Variants in SYNE2 observed in about 807,000 individuals in gnomAD.
SYNE2 encodes spectrin repeat containing nuclear envelope protein 2, also known as nesprin-2.
A neutral mutation model predicts 856.3 loss-of-function variants in SYNE2; 431 were observed. The ratio of observed to expected loss-of-function variants is 0.50; its 90% CI spans 0.47 to 0.55. The LOEUF (loss-of-function observed/expected upper bound fraction) is 0.55, where lower values mean the gene tolerates loss of function less well. SYNE2 is among the 20% of genes least tolerant of loss of function. The pLI, the probability that SYNE2 is intolerant of heterozygous loss-of-function variation, is 0.00. For missense variants in SYNE2, 8,129 were observed against 8,023.2 expected (o/e 1.01, Z -0.50); for synonymous variants, 2,923 against 2,872.3 (o/e 1.02, Z -0.56).
upstream of SYNE2, among the ~76,000 whole-genome samples, chr14:63,851,986 G>A (rs1372504053): frequency 6.9e-4 from 25 of 36,150 alleles, 1 homozygote; most frequent in East Asian, 2.2e-3. Flanking sequence ...GGGGGGGGGG[G>A]GGGGGGGAAT....
chr14:64,031,490 C>T, intron 45 of SYNE2, 133 bp downstream of exon 45: 1 of 809,980 alleles, frequency 1.2e-6, no homozygotes, highest in East Asian at 2.7e-5. Context: ...ATTTATGAAG[C>T]CTACTTGTAA....
chr14:64,141,447 C>T lies in SYNE2; in HGVS notation c.15083C>T (p.Ala5028Val). The stretch of plus-strand genomic sequence containing the variant: ...GAAACTGATACAGCTACACTGAGAG[C>T]TTCTTTAGCACAGTTTGAACAAAAA... ...LKETDTATLR[A>V]SLAQFEQKWT... Residue 5028 changes from alanine (A) to valine (V), a missense_variant, in exon 81 of 116, where the codon GCT becomes GTT. Physicochemically the swap from Ala to Val is moderately conservative, Grantham distance 64 (BLOSUM62 0). Around this residue, in one of 3 missense-constraint regions of SYNE2, gnomAD observed 5,410 missense variants for 5,284.8 expected, o/e 1.02. Coordinates refer to ENST00000555002, the MANE Select transcript of SYNE2 (RefSeq NM_182914.3). 1 of 1,614,102 alleles carries T rather than the reference C, an allele frequency of 6.2e-7. No individual in the cohort carries two copies. The highest frequency in any genetic ancestry group is 1.7e-5 in the Admixed American group (1 of 60,016).
chr14:63,854,007 C>G (rs1212687338), intron 1 of SYNE2, among the ~76,000 whole-genome samples: 4 of 152,046 alleles, frequency 2.6e-5, no homozygotes, highest in Non-Finnish European at 4.4e-5. Context: ...GTAGCATTCG[C>G]GTTTGTGGAA....
chr14:64,049,944 C>T, intron 47 of SYNE2, 68 bp downstream of exon 47: 2 of 1,568,366 alleles, frequency 1.3e-6, no homozygotes, highest in South Asian at 1.1e-5. Flanking sequence ...CTTGGACAGG[C>T]CCAGGGTTTT....
At chr14:63,974,495 A>G (rs769665344) in intron 11 of SYNE2, among the ~76,000 whole-genome samples, 7 of 152,246 alleles carry the variant, frequency 4.6e-5, no homozygotes, top group Non-Finnish European at 7.4e-5. Flanking sequence ...CTGGGTATCA[A>G]ACTTAAACAT....
intron 1 of SYNE2, among the ~76,000 whole-genome samples, chr14:63,806,963 C>T (rs1888385910): frequency 6.6e-6 from 1 of 151,698 alleles, no homozygotes. Flanking sequence ...GATCCTCTTG[C>T]CTTGGCCCCT....
At chr14:63,994,008 A>G in intron 22 of SYNE2, 39 bp downstream of exon 22, 6 of 1,607,274 alleles carry the variant, frequency 3.7e-6, no homozygotes, top group Non-Finnish European at 5.1e-6. Flanking sequence ...ACGTTTTTAT[A>G]TGTCTGATCC....
chr14:63,772,456 G>T (rs1368471697), intron 1 of SYNE2, among the ~76,000 whole-genome samples: 1 of 151,902 alleles, frequency 6.6e-6, no homozygotes, highest in Admixed American at 6.6e-5. Context: ...AGAAATCTAA[G>T]CTATAGGTCA....
At chr14:64,020,162 C>T in intron 35 of SYNE2, 69 bp downstream of exon 35, 1 of 1,105,176 alleles carries the variant, frequency 9.0e-7, no homozygotes, top group East Asian at 2.4e-5. Flanking sequence ...CACTGCACTC[C>T]AGCCTGGGCG....
intron 64 of SYNE2, among the ~76,000 whole-genome samples, chr14:64,106,198 TG>T (rs936105832): frequency 7.3e-6 from 1 of 136,452 alleles, no homozygotes; most frequent in African/African-American, 2.6e-5. Context: ...ACTTAGCCAG[TG>T]GTTTAAATTA....
At chr14:64,087,486 A>G (rs2153621767) in intron 57 of SYNE2, 185 bp from the exon 58 acceptor site, 1 of 765,758 alleles carries the variant, frequency 1.3e-6, no homozygotes, top group Non-Finnish European at 2.4e-6. Flanking sequence ...ACAGTTATAC[A>G]GGTAGATACT....
At chr14:64,210,955 C>T (rs2098637714) in intron 103 of SYNE2, among the ~76,000 whole-genome samples, 1 of 151,940 alleles carries the variant, frequency 6.6e-6, no homozygotes, top group African/African-American at 2.4e-5. Context: ...CTCTCCTTTC[C>T]TGTCTCTCCG....
At chr14:64,154,384 C>A (rs1383413236) in intron 85 of SYNE2, among the ~76,000 whole-genome samples, 3 of 150,264 alleles carry the variant, frequency 2.0e-5, no homozygotes, top group African/African-American at 7.5e-5. Flanking sequence ...TAAAGGCAAA[C>A]CACAAATTGT....
intron 1 of SYNE2, among the ~76,000 whole-genome samples, chr14:63,854,110 A>G (rs892047885): frequency 9.9e-5 from 15 of 151,284 alleles, no homozygotes; most frequent in African/African-American, 3.6e-4. Context: ...AAGCACCAGC[A>G]AGTCGGAGCC....
chr14:64,002,638 C>A, intron 29 of SYNE2, 82 bp from the exon 30 acceptor site: 1 of 1,477,358 alleles, frequency 6.8e-7, no homozygotes, highest in South Asian at 1.3e-5. Context: ...CAAATCTAGT[C>A]ATGCAGTTTG....
intron 2 of SYNE2, among the ~76,000 whole-genome samples, chr14:63,914,898 C>T (rs1260097054): frequency 2.0e-5 from 3 of 152,152 alleles, no homozygotes; most frequent in Non-Finnish European, 4.4e-5. Context: ...GTGTCTTAGC[C>T]ACCTGAGTAG....
intron 50 of SYNE2, among the ~76,000 whole-genome samples, chr14:64,063,812 C>G (rs2097335925): frequency 6.6e-6 from 1 of 152,110 alleles, no homozygotes; most frequent in Admixed American, 6.5e-5. Flanking sequence ...TTAAAAATAA[C>G]AAAATGTACA....
Position 64,116,679 on chromosome 14 carries a change from G to C in SYNE2, c.12841-2748G>C, listed in dbSNP as rs557445291. The stretch of plus-strand genomic sequence containing the variant: ...GATCCACCTGCCTTGGCCTCCCAAA[G>C]TGCCGAGATTACAGGCATGAGCCAC... On this transcript the variant is annotated intron_variant, in intron 66 of 115. Transcript: ENST00000555002. 1.5e-3 allele frequency among the ~76,000 whole-genome samples: 224 copies of C among 152,318 alleles called. 1 individual carries two copies. The highest frequency in any genetic ancestry group is 5.1e-3 in the African/African-American group (213 of 41,576).
chr14:64,111,071 A>T (rs1413855997), intron 65 of SYNE2, among the ~76,000 whole-genome samples: 1 of 152,128 alleles, frequency 6.6e-6, no homozygotes, highest in Non-Finnish European at 1.5e-5. Flanking sequence ...GTCATTAAAA[A>T]AAGTGTGTGG....
Sources: allele counts gnomAD v4.1 joint callset (sites outside exome capture counted in the v4.1 genomes callset), GRCh38; gene constraint gnomAD v4.1.1; regional missense constraint gnomAD v4.1.1; transcripts MANE v1.5; gene names NCBI Gene and HGNC (gene_info 2026-07-23, HGNC 2026-07-21).